Variants in PASD1 observed in about 807,000 individuals in gnomAD.
The protein encoded by PASD1 is PAS domain containing repressor 1.
A neutral mutation model predicts 58.8 loss-of-function variants in PASD1; 13 were observed. The observed-to-expected ratio is 0.22, with a 90% CI of 0.14 to 0.35. PASD1 has a LOEUF of 0.35. PASD1 is among the 10% of genes least tolerant of loss of function. The probability of loss-of-function intolerance (pLI) is 1.00; values close to 1 mark genes in which losing one functional copy is unlikely to be tolerated. For synonymous variants in PASD1, 236 were observed against 216.7 expected, an observed-to-expected ratio of 1.09 and a Z score of -0.78; for missense variants, 734 against 568.3, an observed-to-expected ratio of 1.29 and a Z score of -2.96.
intron 8 of PASD1, among the ~76,000 whole-genome samples, chrX:151,628,318 CT>C (rs1400854516): frequency 1.8e-5 from 2 of 111,977 alleles, no homozygotes; most frequent in Admixed American, 1.9e-4. Context: ...AGGTTTTCTT[CT>C]AGAGTTTTTA....
intron 1 of PASD1, among the ~76,000 whole-genome samples, chrX:151,589,109 C>A (rs1254312514): frequency 1.8e-5 from 2 of 111,742 alleles, no homozygotes; most frequent in Admixed American, 9.5e-5. Flanking sequence ...CTGATCTGAT[C>A]ACCCCCTTTC....
At chrX:151,598,309 T>C (rs1213767577) in intron 1 of PASD1, among the ~76,000 whole-genome samples, 3 of 111,747 alleles carry the variant, frequency 2.7e-5, no homozygotes, top group African/African-American at 9.8e-5. Context: ...GAAAATATGG[T>C]CTATATGATA....
chrX:151,624,481 A>T (rs956488083), intron 7 of PASD1, among the ~76,000 whole-genome samples: 12 of 111,925 alleles, frequency 1.1e-4, no homozygotes, highest in African/African-American at 3.3e-4. Flanking sequence ...TCCTTTCCCT[A>T]CCAGCTCTGT....
intron 8 of PASD1, among the ~76,000 whole-genome samples, chrX:151,629,824 T>G (rs973181694): frequency 8.9e-6 from 1 of 111,855 alleles, no homozygotes; most frequent in Admixed American, 9.5e-5. Context: ...GAATTTTGTT[T>G]AAAAACTAGC....
At chrX:151,567,390 A>G (rs916819672) in intron 1 of PASD1, among the ~76,000 whole-genome samples, 6 of 112,004 alleles carry the variant, frequency 5.4e-5, no homozygotes, top group Admixed American at 1.9e-4. Flanking sequence ...GCATCTAGGA[A>G]GCCACTGGAT....
At chrX:151,611,062 T>C (rs760733596) in intron 3 of PASD1, among the ~76,000 whole-genome samples, 1 of 111,806 alleles carries the variant, frequency 8.9e-6, no homozygotes, top group African/African-American at 3.2e-5. Context: ...TCAAGGCAAA[T>C]ACAGGGTCTA....
intron 4 of PASD1, among the ~76,000 whole-genome samples, chrX:151,613,268 T>C (rs2013591440): frequency 9.0e-6 from 1 of 111,176 alleles, no homozygotes; most frequent in African/African-American, 3.3e-5. Context: ...TCCAGCTTTG[T>C]TCTTTTGGCT....
chrX:151,633,975 C>A (rs1443517987), intron 8 of PASD1, among the ~76,000 whole-genome samples: 1 of 111,982 alleles, frequency 8.9e-6, no homozygotes, highest in Non-Finnish European at 1.9e-5. Flanking sequence ...AGTTGCCCAG[C>A]TTGTGTGTTG....
chrX:151,580,508 C>CTTTTTTTTTTTTTTTT (rs200293926), intron 1 of PASD1, among the ~76,000 whole-genome samples: 1 of 67,154 alleles, frequency 1.5e-5, no homozygotes, highest in African/African-American at 5.1e-5. Flanking sequence ...TTCTTTTTTT[C>CTTTTTTTTTTTTTTTT]TTTTTTTTTT....
chrX:151,662,444 C>A (rs754268343), intron 10 of PASD1, among the ~76,000 whole-genome samples: 1 of 110,689 alleles, frequency 9.0e-6, no homozygotes, highest in Admixed American at 9.7e-5. Flanking sequence ...CTTTAAGGAA[C>A]CTTATTTAGG....
chrX:151,658,634 C>A (rs1471541027), intron 9 of PASD1, among the ~76,000 whole-genome samples: 1 of 111,978 alleles, frequency 8.9e-6, no homozygotes, highest in East Asian at 2.8e-4. Flanking sequence ...GTCACATCCC[C>A]AGCAACATAT....
chrX:151,670,103 T>G (rs2014445085), intron 11 of PASD1, among the ~76,000 whole-genome samples: 1 of 112,247 alleles, frequency 8.9e-6, no homozygotes, highest in Non-Finnish European at 1.9e-5. Context: ...CGTCTACCTC[T>G]GGATTGTTCC....
intron 14 of PASD1, 108 bp downstream of exon 14, chrX:151,672,769 C>T (rs1009517321): frequency 1.1e-5 from 12 of 1,103,951 alleles, no homozygotes; most frequent in African/African-American, 9.2e-5. Context: ...GTGGCACCAG[C>T]GTCCCTCTCA....
chrX:151,617,381 A>G (rs1470137086), intron 4 of PASD1, among the ~76,000 whole-genome samples: 2 of 111,617 alleles, frequency 1.8e-5, no homozygotes, highest in Admixed American at 9.5e-5. Flanking sequence ...ACTCATTACC[A>G]CTAGTCACAT....
intron 8 of PASD1, among the ~76,000 whole-genome samples, chrX:151,635,144 A>T (rs1289920526): frequency 1.8e-5 from 2 of 111,276 alleles, no homozygotes; most frequent in Non-Finnish European, 3.8e-5. Flanking sequence ...ATCTCTTTTT[A>T]ATGTGCCCTG....
intron 1 of PASD1, among the ~76,000 whole-genome samples, chrX:151,594,302 G>T (rs760971035): frequency 5.6e-4 from 63 of 111,867 alleles, no homozygotes; most frequent in African/African-American, 2.0e-3. Context: ...AGTATGTTTT[G>T]ATTTAAGTCT....
At chrX:151,597,166 A>G (rs2013331937) in intron 1 of PASD1, among the ~76,000 whole-genome samples, 2 of 112,089 alleles carry the variant, frequency 1.8e-5, no homozygotes, top group Admixed American at 9.4e-5. Flanking sequence ...ATATACTAGC[A>G]TTATAAAATA....
intron 8 of PASD1, among the ~76,000 whole-genome samples, chrX:151,645,034 G>A (rs1221730788): frequency 9.0e-6 from 1 of 111,388 alleles, no homozygotes. Flanking sequence ...TGGCTGAGAT[G>A]CAGTTGGATT....
chrX:151,590,825 G>A lies in PASD1; in HGVS notation c.-27-10702G>A, dbSNP rs772146361. Among the ~76,000 whole-genome samples, 4 of 111,673 alleles carry A rather than the reference G, an allele frequency of 3.6e-5. No individual in the cohort carries two copies. In the South Asian group the frequency reaches 1.1e-3, roughly 32 times the overall value. ...AGCTATCCTCCTGCCTTGACCTCCC[G>A]AAGTGCCGGGATTGCAGGTGTGAGC... is the stretch of plus-strand genomic sequence containing the variant. On this transcript the variant is annotated intron_variant, in intron 1 of 15. Coordinates refer to ENST00000370357, the MANE Select transcript of PASD1 (RefSeq NM_173493.3).
Sources: allele counts gnomAD v4.1 joint callset (sites outside exome capture counted in the v4.1 genomes callset), GRCh38; gene constraint gnomAD v4.1.1; transcripts MANE v1.5; gene names NCBI Gene and HGNC (gene_info 2026-07-23, HGNC 2026-07-21).